ZNF431: variants seen among roughly 807,000 people sequenced by gnomAD.
The protein encoded by ZNF431 is zinc finger protein 431.
In ZNF431, 34 loss-of-function variants were observed where a neutral mutation model predicts 57.0. The ratio of observed to expected loss-of-function variants is 0.60; its 90% CI spans 0.45 to 0.79. The LOEUF (loss-of-function observed/expected upper bound fraction) is 0.79, where lower values mean the gene tolerates loss of function less well. ZNF431 is among the 30% of genes least tolerant of loss of function. The pLI is 0.00. For synonymous variants in ZNF431, 207 were observed against 220.3 expected (o/e 0.94, Z 0.54); for missense variants, 607 against 667.1 (o/e 0.91, Z 0.99).
At chr19:21,168,270 G>GA (rs766650983) in intron 4 of ZNF431, among the ~76,000 whole-genome samples, 2 of 151,656 alleles carry the variant, frequency 1.3e-5, no homozygotes, top group African/African-American at 4.8e-5. Context: ...TTTCTATTGT[G>GA]AAAAAAATAC....
chr19:21,167,724 A>T, intron 4 of ZNF431, 58 bp downstream of exon 4: 1 of 1,237,836 alleles, frequency 8.1e-7, no homozygotes, highest in Non-Finnish European at 1.1e-6. Flanking sequence ...GCTTAAAAAA[A>T]AAAAATGTGC....
At chr19:21,162,623 GCCCTTATTTAGGTCTGGCCCCA>G in intron 2 of ZNF431, 1 of 655,330 alleles carries the variant, frequency 1.5e-6, no homozygotes, top group South Asian at 6.9e-5. Context: ...CCTTTTTGGA[GCCCTTATTTAGGTCTGGCCCCA>G]CCCTGGAGTC....
intron 2 of ZNF431, among the ~76,000 whole-genome samples, chr19:21,158,414 G>A (rs1970482760): frequency 6.6e-6 from 1 of 151,812 alleles, no homozygotes; most frequent in African/African-American, 2.4e-5. Flanking sequence ...TGGTCAGGCT[G>A]GTCTCGAACT....
intron 4 of ZNF431, among the ~76,000 whole-genome samples, chr19:21,170,441 C>G (rs1214181538): frequency 6.6e-6 from 1 of 151,456 alleles, no homozygotes; most frequent in African/African-American, 2.4e-5. Flanking sequence ...TTTCAAACTT[C>G]TCTGTCATTT....
intron 2 of ZNF431, chr19:21,149,821 G>C: frequency 1.5e-6 from 1 of 653,396 alleles, no homozygotes; most frequent in South Asian, 1.4e-5. Flanking sequence ...TGTCTTCTGA[G>C]TTAACCTGTG....
At chr19:21,180,510 C>T (rs996634119) in intron 4 of ZNF431, among the ~76,000 whole-genome samples, 19 of 151,298 alleles carry the variant, frequency 1.3e-4, no homozygotes, top group Non-Finnish European at 2.2e-4. Context: ...CTTTTTCTGT[C>T]TTTGTGTCTT....
intron 1 of ZNF431, among the ~76,000 whole-genome samples, chr19:21,142,436 C>T (rs769492148): frequency 6.6e-6 from 1 of 152,222 alleles, no homozygotes. Flanking sequence ...CTCTGGGCAG[C>T]TCTGCACCCG....
At chr19:21,152,669 G>A (rs1432069143) in intron 2 of ZNF431, among the ~76,000 whole-genome samples, 1 of 152,112 alleles carries the variant, frequency 6.6e-6, no homozygotes, top group East Asian at 1.9e-4. Context: ...ATTAAGAGGA[G>A]CCTTTAACCC....
At chr19:21,150,154 CT>C in intron 2 of ZNF431, 1 of 606,752 alleles carries the variant, frequency 1.6e-6, no homozygotes, top group Non-Finnish European at 3.1e-6. Flanking sequence ...TGTAGGCTAG[CT>C]TAAGCAGCTG....
chr19:21,176,114 CT>C (rs1484787634), intron 4 of ZNF431, among the ~76,000 whole-genome samples: 2 of 152,150 alleles, frequency 1.3e-5, no homozygotes, highest in African/African-American at 4.8e-5. Flanking sequence ...TAATAATCAC[CT>C]TTCTGACTGG....
chr19:21,190,015 A>C lies in ZNF431; in HGVS notation c.*5981A>C. 2.6e-6 allele frequency: 1 copy of C among 388,570 alleles called. No homozygotes were observed. Among genetic ancestry groups the C allele is most frequent in the East Asian group, 3.6e-5 (1 of 27,568 alleles). The allele number at this position is 388,570 out of a possible 1,614,324, so 24.1% of individuals were successfully genotyped here. A position where few individuals can be genotyped will look rare whatever the true frequency, so the allele number is the denominator to read the frequency against. On this transcript the variant is annotated 3_prime_UTR_variant, in exon 5 of 5. Transcript: ENST00000311048. ...AAAAACAACAAAACAAAAACAAAAA[A>C]CACCTCAGCTGGGTGTGGTGGTGCA...
Position 21,187,347 on chromosome 19 carries a change from A to C in ZNF431, c.*3313A>C, listed in dbSNP as rs900892300. The C allele has an allele frequency of 8.6e-5, 13 of 151,302 alleles. No individual in the cohort carries two copies. Among genetic ancestry groups the C allele is most frequent in the African/African-American group, 3.2e-4 (13 of 41,090 alleles). 9.4% of individuals were successfully genotyped at this position (151,302 alleles called of 1,614,324 possible). ...CCCACTCGGGAGGCTGAGTCAGGAGAATTGCTTGAACCCGGAGGTGAAGAT... is the reference window on the plus strand; with the variant it reads ...CCCACTCGGGAGGCTGAGTCAGGAGCATTGCTTGAACCCGGAGGTGAAGAT... On this transcript the variant is annotated 3_prime_UTR_variant, in exon 5 of 5. Transcript: ENST00000311048.
chr19:21,145,423 G>A (rs1970057362), intron 2 of ZNF431, among the ~76,000 whole-genome samples: 1 of 152,208 alleles, frequency 6.6e-6, no homozygotes, highest in Non-Finnish European at 1.5e-5. Flanking sequence ...CTTACAGTGA[G>A]CCAAGATCGC....
intron 2 of ZNF431, among the ~76,000 whole-genome samples, chr19:21,146,409 G>T (rs1599572841): frequency 9.2e-6 from 1 of 108,720 alleles, no homozygotes; most frequent in African/African-American, 3.5e-5. Context: ...CACTCTGTCT[G>T]AAAAAAAAAA....
At chr19:21,161,262 A>G (rs1171449386) in intron 2 of ZNF431, among the ~76,000 whole-genome samples, 1 of 152,196 alleles carries the variant, frequency 6.6e-6, no homozygotes, top group Non-Finnish European at 1.5e-5. Flanking sequence ...GGTTGAATTA[A>G]GTATTGTATG....
At chr19:21,170,055 C>G (rs1970838776) in intron 4 of ZNF431, among the ~76,000 whole-genome samples, 1 of 152,160 alleles carries the variant, frequency 6.6e-6, no homozygotes, top group Non-Finnish European at 1.5e-5. Flanking sequence ...TAGCCAAAAC[C>G]AAGGGTCCTG....
At chr19:21,159,370 TTTG>T (rs57605382) in intron 2 of ZNF431, among the ~76,000 whole-genome samples, 111,749 of 150,930 alleles carry the variant, frequency 0.74, 42,366 homozygotes, top group Middle Eastern at 0.86. Context: ...TACTATTCTT[TTTG>T]TTGTTGTTGT....
At chr19:21,176,608 G>T (rs965564762) in intron 4 of ZNF431, among the ~76,000 whole-genome samples, 5 of 151,994 alleles carry the variant, frequency 3.3e-5, no homozygotes, top group African/African-American at 1.2e-4. Context: ...GTAGACTCTG[G>T]ATATTAACCT....
rs762632162 is a variant in ZNF431, at chr19:21,189,476, C to CAA, written c.*5455_*5456dup. On this transcript the variant is annotated 3_prime_UTR_variant, in exon 5 of 5. Coordinates refer to ENST00000311048, the MANE Select transcript of ZNF431 (RefSeq NM_133473.4). ...CCAGACTGGGGGACAGAGTGACTAT[C>CAA]AAAAAAAAAAAAAACTTTACCTCAT... The CAA allele has an allele frequency of 7.7e-5, 10 of 129,352 alleles. No individual in the cohort carries two copies. The highest frequency in any genetic ancestry group is 7.9e-5 in the Admixed American group (1 of 12,664). The allele number at this position is 129,352 out of a possible 1,614,324, so 8.0% of individuals were successfully genotyped here.
Sources: gnomAD v4.1 joint callset for allele counts (sites outside exome capture counted in the v4.1 genomes callset) on GRCh38, gnomAD v4.1.1 for gene constraint, MANE v1.5 for transcripts, NCBI Gene and HGNC (gene_info 2026-07-23, HGNC 2026-07-21) for gene names.